Variants in LRRC69 observed in about 807,000 individuals in gnomAD.
LRRC69 encodes the protein leucine-rich repeat-containing protein 69.
LRRC69 carries 42 observed loss-of-function variants against 37.8 expected under a neutral mutation model. The ratio of observed to expected loss-of-function variants is 1.11; its 90% CI spans 0.87 to 1.44. The LOEUF (loss-of-function observed/expected upper bound fraction) is 1.44, where lower values mean the gene tolerates loss of function less well. LRRC69 is among the 40% of genes most tolerant of loss of function. The pLI is 0.00. For synonymous variants in LRRC69, 141 were observed against 143.1 expected, an observed-to-expected ratio of 0.99 and a Z score of 0.11; for missense variants, 357 against 401.9, an observed-to-expected ratio of 0.89 and a Z score of 0.96.
chr8:91,161,209 A>C (rs117700505), intron 5 of LRRC69, among the ~76,000 whole-genome samples: 1 of 151,068 alleles, frequency 6.6e-6, no homozygotes, highest in Admixed American at 6.6e-5. Flanking sequence ...CTATTTTTTT[A>C]AGGTTTTTGC....
chr8:91,163,452 TTGTC>T (rs1430543189), intron 5 of LRRC69, among the ~76,000 whole-genome samples: 8 of 151,170 alleles, frequency 5.3e-5, no homozygotes, highest in Non-Finnish European at 1.0e-4. Flanking sequence ...ATCATAGCCT[TTGTC>T]TGATTTCCCT....
intron 7 of LRRC69, among the ~76,000 whole-genome samples, chr8:91,213,803 A>G (rs1288952723): frequency 5.3e-5 from 8 of 152,146 alleles, no homozygotes; most frequent in Admixed American, 5.2e-4. Context: ...TTAGGAGAAG[A>G]GAATGGTAAG....
chr8:91,134,359 T>G (rs1157867455), intron 4 of LRRC69, among the ~76,000 whole-genome samples: 5 of 151,482 alleles, frequency 3.3e-5, no homozygotes, highest in Admixed American at 6.6e-5. Context: ...ACTGGGAGGT[T>G]GTGGTGGTGG....
intron 5 of LRRC69, among the ~76,000 whole-genome samples, chr8:91,168,997 A>AAGGG (rs1361885256): frequency 6.6e-6 from 1 of 151,974 alleles, no homozygotes; most frequent in Non-Finnish European, 1.5e-5. Flanking sequence ...TCTTGGGACT[A>AAGGG]ACGTTAATAG....
chr8:91,218,284 ATTT>A (rs1350754798), intron 7 of LRRC69, among the ~76,000 whole-genome samples: 1 of 152,170 alleles, frequency 6.6e-6, no homozygotes, highest in Non-Finnish European at 1.5e-5. Flanking sequence ...GGTTACCATT[ATTT>A]CAAACATAAA....
chr8:91,158,956 G>A lies in LRRC69; in HGVS notation c.651+23217G>A, dbSNP rs1157662284. The stretch of plus-strand genomic sequence containing the variant: ...ATCAACAGACTATATAATGATACAT[G>A]ACTGACACTTGTACACTAGGTAATA... On this transcript the variant is annotated intron_variant, in intron 5 of 7. Coordinates refer to ENST00000448384, the Ensembl canonical transcript of LRRC69. 3.3e-5 allele frequency among the ~76,000 whole-genome samples: 5 copies of A among 151,128 alleles called. No individual in the cohort carries two copies. In the Admixed American group the frequency reaches 3.3e-4, roughly 10 times the overall value.
intron 6 of LRRC69, 146 bp from the exon 7 acceptor site, chr8:91,200,467 C>A: frequency 1.9e-6 from 1 of 517,564 alleles, no homozygotes; most frequent in Non-Finnish European, 3.2e-6. Context: ...TCATTTACAA[C>A]ACAATTCATT....
intron 7 of LRRC69, among the ~76,000 whole-genome samples, chr8:91,216,427 A>C (rs1455072468): frequency 6.6e-6 from 1 of 152,190 alleles, no homozygotes; most frequent in Non-Finnish European, 1.5e-5. Context: ...AGCAAATCAG[A>C]TGTCGAACTT....
chr8:91,199,289 G>C (rs1272802238), intron 6 of LRRC69, among the ~76,000 whole-genome samples: 1 of 152,218 alleles, frequency 6.6e-6, no homozygotes. Flanking sequence ...ATATTAGTGT[G>C]AAAGCATGAC....
chr8:91,186,594 G>A (rs927014914), intron 5 of LRRC69, among the ~76,000 whole-genome samples: 5 of 152,188 alleles, frequency 3.3e-5, no homozygotes, highest in African/African-American at 1.2e-4. Flanking sequence ...GAGGGCTTTG[G>A]ATTTATCCTA....
At chr8:91,154,010 T>C (rs575209850) in intron 5 of LRRC69, among the ~76,000 whole-genome samples, 9 of 151,066 alleles carry the variant, frequency 6.0e-5, no homozygotes, top group Middle Eastern at 6.8e-3. Context: ...TCAAATAGGC[T>C]CAATGAAAAC....
intron 5 of LRRC69, among the ~76,000 whole-genome samples, chr8:91,174,838 G>A (rs974278823): frequency 2.0e-5 from 3 of 152,118 alleles, no homozygotes; most frequent in East Asian, 3.9e-4. Context: ...ACATCACTAG[G>A]TATACGGCTC....
intron 5 of LRRC69, among the ~76,000 whole-genome samples, chr8:91,186,546 G>A (rs1051095406): frequency 6.6e-6 from 1 of 152,108 alleles, no homozygotes; most frequent in African/African-American, 2.4e-5. Flanking sequence ...AGGATATATG[G>A]TTGGAGAGTC....
At chr8:91,208,776 T>G (rs1261206592) in intron 7 of LRRC69, among the ~76,000 whole-genome samples, 1 of 152,190 alleles carries the variant, frequency 6.6e-6, no homozygotes, top group Non-Finnish European at 1.5e-5. Flanking sequence ...GCCAATGTCC[T>G]GTTTCATGTG....
intron 5 of LRRC69, among the ~76,000 whole-genome samples, chr8:91,176,137 T>TTTTTTTTTC (rs1563614786): frequency 6.6e-5 from 9 of 137,034 alleles, no homozygotes; most frequent in African/African-American, 1.4e-4. Flanking sequence ...TATATATATT[T>TTTTTTTTTC]TTTTTTTTTC....
At chr8:91,126,179 C>A (rs1013004927) in intron 2 of LRRC69, among the ~76,000 whole-genome samples, 8 of 151,986 alleles carry the variant, frequency 5.3e-5, no homozygotes, top group South Asian at 4.1e-4. Context: ...CATTACATGA[C>A]CCTATTTCCC....
intron 5 of LRRC69, among the ~76,000 whole-genome samples, chr8:91,167,969 T>G (rs1007360445): frequency 6.6e-6 from 1 of 152,026 alleles, no homozygotes; most frequent in Non-Finnish European, 1.5e-5. Context: ...TATTAATATA[T>G]GTATTCGATA....
chr8:91,162,877 C>CT lies in LRRC69; in HGVS notation c.652-26636dup, dbSNP rs536061574. Among the ~76,000 whole-genome samples the CT allele has an allele frequency of 3.1e-4, 47 of 150,422 alleles. 2 individuals are homozygous for CT. The South Asian group carries it at 7.7e-3, about 25-fold the overall frequency. ...TCCTGATATATTTTACAAATTAATA[C>CT]TTTTTTTTTCAGCTTTGTCTACATG... On this transcript the variant is annotated intron_variant, in intron 5 of 7. Transcript: ENST00000448384.
At chr8:91,199,048 C>A (rs1809669301) in intron 6 of LRRC69, among the ~76,000 whole-genome samples, 1 of 152,116 alleles carries the variant, frequency 6.6e-6, no homozygotes, top group Non-Finnish European at 1.5e-5. Context: ...TCTATATGAA[C>A]CTATTTTTAG....
Sources: gnomAD v4.1 joint callset for allele counts (sites outside exome capture counted in the v4.1 genomes callset) on GRCh38, gnomAD v4.1.1 for gene constraint, MANE v1.5 for transcripts, NCBI Gene and HGNC (gene_info 2026-07-23, HGNC 2026-07-21) for gene names.